POLR1C: variants seen among roughly 807,000 people sequenced by gnomAD.
The protein encoded by POLR1C is RNA polymerase I and III subunit C, also known as DNA-directed RNA polymerases I and III subunit RPAC1.
Under a neutral mutation model 38.3 loss-of-function variants are expected in POLR1C, and 42 were observed. The observed-to-expected ratio is 1.10, with a 90% CI of 0.86 to 1.42. POLR1C has a LOEUF of 1.42. Ranked by LOEUF, POLR1C falls within the 40% of genes most tolerant of loss-of-function variation. The probability of loss-of-function intolerance (pLI) is 0.00; values close to 1 mark genes in which losing one functional copy is unlikely to be tolerated. For missense variants in POLR1C, 507 were observed against 450.5 expected, an observed-to-expected ratio of 1.13 and a Z score of -1.14; for synonymous variants, 163 against 163.9, an observed-to-expected ratio of 0.99 and a Z score of 0.04.
At chr6:43,535,998 C>T (rs950163252) in intron 9 of POLR1C, among the ~76,000 whole-genome samples, 6 of 150,396 alleles carry the variant, frequency 4.0e-5, no homozygotes, top group Non-Finnish European at 8.9e-5. Flanking sequence ...CGGTGCATGC[C>T]TGTAATCCCA....
downstream of POLR1C, chr6:43,525,275 A>G: frequency 6.9e-7 from 1 of 1,459,670 alleles, no homozygotes; most frequent in Non-Finnish European, 9.3e-7. Flanking sequence ...TCTGATGATT[A>G]TTACACATCA....
At chr6:43,544,888 T>C (rs1794888587) in intron 9 of POLR1C, among the ~76,000 whole-genome samples, 1 of 152,196 alleles carries the variant, frequency 6.6e-6, no homozygotes, top group Non-Finnish European at 1.5e-5. Flanking sequence ...TTTATTTATT[T>C]TGAGATGGAA....
At chr6:43,555,686 G>T in intron 10 of POLR1C, 1 of 921,250 alleles carries the variant, frequency 1.1e-6, no homozygotes, top group South Asian at 3.1e-5. Flanking sequence ...GTCAGCCAAT[G>T]AAAACGCTCC....
chr6:43,553,648 CCT>C, intron 10 of POLR1C: 2 of 1,400,944 alleles, frequency 1.4e-6, no homozygotes, highest in Non-Finnish European at 9.3e-7. Context: ...TAATCTAACC[CCT>C]CTCAGCTGGG....
rs142018378 is a variant in POLR1C, at chr6:43,556,998, C to T, written c.*49-4402C>T. Among the ~76,000 whole-genome samples the T allele has an allele frequency of 4.5e-4, 68 of 152,130 alleles. No individual in the cohort carries two copies. The East Asian group carries it at 0.012, about 26-fold the overall frequency. ...AAACAATTAGCTGGGCATGGTGGTG[C>T]ATGCCTATAATCCCAGTTACTTGGG... On this transcript the variant is annotated intron_variant, in intron 10 of 10. Coordinates refer to the POLR1C transcript ENST00000607635.
chr6:43,517,722 TC>T (rs1370469741), intron 2 of POLR1C, among the ~76,000 whole-genome samples: 1 of 152,066 alleles, frequency 6.6e-6, no homozygotes, highest in Non-Finnish European at 1.5e-5. Flanking sequence ...GGAGGGTACA[TC>T]TCAATTGAGC....
At chr6:43,554,715 G>T (rs753044863) in intron 10 of POLR1C, among the ~76,000 whole-genome samples, 12 of 152,100 alleles carry the variant, frequency 7.9e-5, no homozygotes, top group Non-Finnish European at 1.8e-4. Flanking sequence ...GAGCCACCCT[G>T]CCTGGCCTAA....
intron 9 of POLR1C, among the ~76,000 whole-genome samples, chr6:43,535,416 CCA>C (rs1794254846): frequency 6.6e-6 from 1 of 151,906 alleles, no homozygotes; most frequent in Non-Finnish European, 1.5e-5. Context: ...ATGGTAAAAC[CCA>C]GTCTCTACTA....
In POLR1C at chr6:43,535,880, AG is replaced by A. The variant is rs537680932; in HGVS notation, c.*4+6524del. ...GCTCACGCCTGTAATCCCAGCACTT[AG>A]GGAGGCCAAGGCCGGAGAATCACCT... is the stretch of plus-strand genomic sequence containing the variant. On this transcript the variant is annotated intron_variant, in intron 9 of 10. Transcript: ENST00000607635. Among the ~76,000 whole-genome samples, 304 of 148,596 alleles carry A rather than the reference AG, an allele frequency of 2.0e-3. 1 individual carries two copies. Among genetic ancestry groups the A allele is most frequent in the Non-Finnish European group, 3.6e-3 (243 of 67,260 alleles).
In POLR1C at chr6:43,553,448, T is replaced by G. The variant is rs1385573206; in HGVS notation, c.*48+2437T>G. 9 of 1,592,722 alleles carry G rather than the reference T, an allele frequency of 5.7e-6. No individual in the cohort carries two copies. The highest frequency in any genetic ancestry group is 3.4e-5 in the South Asian group (3 of 87,492). On this transcript the variant is annotated intron_variant, in intron 10 of 10. Transcript: ENST00000607635. ...GAGTCATGGCTTCCCACTGCACGAA[T>G]GAAGGTGAGAAGACGGAACAGAGGC...
At chr6:43,527,178 A>G in intron 8 of POLR1C, 1 of 212,410 alleles carries the variant, frequency 4.7e-6, no homozygotes, top group Non-Finnish European at 9.7e-6. Flanking sequence ...GTTTCCCCAT[A>G]TTCAGCTTGC....
At chr6:43,518,332 T>A (rs914049561) in intron 2 of POLR1C, among the ~76,000 whole-genome samples, 3 of 152,162 alleles carry the variant, frequency 2.0e-5, no homozygotes, top group African/African-American at 7.2e-5. Flanking sequence ...TGGTAAAGGC[T>A]GTGGGGGTAG....
intron 9 of POLR1C, among the ~76,000 whole-genome samples, chr6:43,534,736 GC>G (rs1459015009): frequency 6.6e-6 from 1 of 152,160 alleles, no homozygotes; most frequent in African/African-American, 2.4e-5. Context: ...GGTGGCTCAC[GC>G]CTATAATCCC....
At chr6:43,553,636 G>C (rs1795367395) in intron 10 of POLR1C, 1 of 1,422,324 alleles carries the variant, frequency 7.0e-7, no homozygotes, top group African/African-American at 1.4e-5. Context: ...GAAGGAGCAG[G>C]GTAATCTAAC....
chr6:43,536,646 G>A (rs932680782), intron 9 of POLR1C, among the ~76,000 whole-genome samples: 1 of 149,794 alleles, frequency 6.7e-6, no homozygotes, highest in African/African-American at 2.5e-5. Flanking sequence ...GTAAATCCCA[G>A]CTACTCAGGA....
chr6:43,531,834 A>G (rs1050344154), downstream of POLR1C, among the ~76,000 whole-genome samples: 1 of 152,184 alleles, frequency 6.6e-6, no homozygotes, highest in Non-Finnish European at 1.5e-5. Flanking sequence ...GTACCAAAAA[A>G]AGTGACAACT....
intron 9 of POLR1C, among the ~76,000 whole-genome samples, chr6:43,538,052 T>A (rs1220932615): frequency 8.8e-6 from 1 of 113,116 alleles, no homozygotes; most frequent in Non-Finnish European, 1.6e-5. Flanking sequence ...ACCAGTGCAC[T>A]CCAGCATGGG....
intron 10 of POLR1C, chr6:43,560,386 T>G (rs1171309158): frequency 1.2e-5 from 17 of 1,446,558 alleles, no homozygotes; most frequent in Non-Finnish European, 1.5e-5. Flanking sequence ...TCAACTACAT[T>G]TTTTCATAGA....
chr6:43,547,855 A>G (rs563422938), intron 9 of POLR1C: 68 of 623,090 alleles, frequency 1.1e-4, no homozygotes, highest in African/African-American at 1.1e-3. Flanking sequence ...GTCAGTTGTC[A>G]TTTGAAGGTT....
Sources: gnomAD v4.1 joint callset for allele counts (sites outside exome capture counted in the v4.1 genomes callset) on GRCh38, gnomAD v4.1.1 for gene constraint, MANE v1.5 for transcripts, NCBI Gene and HGNC (gene_info 2026-07-23, HGNC 2026-07-21) for gene names.